The following GFOD2 variants were observed in gnomAD, a reference collection of about 807,000 sequenced individuals.
GFOD2 encodes glucose-fructose oxidoreductase domain-containing protein 2.
A neutral mutation model predicts 24.6 loss-of-function variants in GFOD2; 9 were observed. The ratio of observed to expected loss-of-function variants is 0.37; its 90% CI spans 0.22 to 0.64. The LOEUF (loss-of-function observed/expected upper bound fraction) is 0.64. Among genes scored for constraint, GFOD2 ranks in the 30% least tolerant of loss-of-function variants. The pLI is 0.65. For missense variants in GFOD2, 476 were observed against 532.5 expected (o/e 0.89, Z 1.04); for synonymous variants, 211 against 224.8 (o/e 0.94, Z 0.55).
intron 2 of GFOD2, chr16:67,683,766 T>C (rs1329937034): frequency 1.1e-5 from 13 of 1,227,192 alleles, no homozygotes; most frequent in Non-Finnish European, 1.2e-5. Context: ...ACCCTGAGGT[T>C]TGCCACCATG....
chr16:67,674,834 G>A lies in GFOD2; in HGVS notation c.*321C>T. On this transcript the variant is annotated 3_prime_UTR_variant, in exon 3 of 3. Transcript: ENST00000268797. Reference sequence around the variant, plus strand: ...GGCCCCTCTTGTGCTTTCTCACCCTGTTAGGACTGCGGATCAGGCTGAAGG... The same window carrying A: ...GGCCCCTCTTGTGCTTTCTCACCCTATTAGGACTGCGGATCAGGCTGAAGG... The A allele has an allele frequency of 3.1e-6, 1 of 317,776 alleles. No homozygotes were observed. The highest frequency in any genetic ancestry group is 5.8e-6 in the Non-Finnish European group (1 of 171,214). The allele number at this position is 317,776 out of a possible 1,614,324, so 19.7% of individuals were successfully genotyped here.
intron 2 of GFOD2, chr16:67,683,007 C>T (rs1000172703): frequency 3.3e-6 from 1 of 304,880 alleles, no homozygotes; most frequent in Admixed American, 6.5e-5. Flanking sequence ...TACTCTGTCA[C>T]TCAAGCTGGA....
intron 2 of GFOD2, chr16:67,680,577 C>A: frequency 4.1e-6 from 1 of 246,162 alleles, no homozygotes; most frequent in Non-Finnish European, 6.5e-6. Context: ...TCACTTCCTA[C>A]CCCCACCTCT....
At chr16:67,683,247 C>T in intron 2 of GFOD2, 1 of 1,103,996 alleles carries the variant, frequency 9.1e-7, no homozygotes, top group Non-Finnish European at 1.1e-6. Context: ...AGAAAAAAAG[C>T]AAGCTTGTTG....
chr16:67,694,777 A>G (rs1449238602), intron 1 of GFOD2, among the ~76,000 whole-genome samples: 1 of 152,086 alleles, frequency 6.6e-6, no homozygotes, highest in African/African-American at 2.4e-5. Flanking sequence ...GTGAACCACT[A>G]AATTACACAT....
chr16:67,689,231 G>A (rs1170099155), intron 1 of GFOD2, among the ~76,000 whole-genome samples: 1 of 150,182 alleles, frequency 6.7e-6, no homozygotes, highest in Non-Finnish European at 1.5e-5. Context: ...TAGTGATGAG[G>A]TTTCGCCATG....
chr16:67,675,998 C>G lies in GFOD2; in HGVS notation c.315G>C (p.Arg105=). The change falls in exon 3 of 3, where the codon CGG becomes CGC. Residue 105 remains arginine (R), a synonymous_variant. Transcript: ENST00000268797. ...GGTAGTAGCGCGAGGCTGTCACCAT[C>G]CGGAAGGCATCCACCGATGTTGCTG... ...EKAATSVDAF[R]MVTASRYYPQ... is the part of the protein sequence containing the mutation. The G allele has an allele frequency of 6.2e-7, 1 of 1,614,110 alleles. No homozygotes were observed. The highest frequency in any genetic ancestry group is 8.5e-7 in the Non-Finnish European group (1 of 1,179,996).
At chr16:67,695,416 G>A (rs989641970) in intron 1 of GFOD2, among the ~76,000 whole-genome samples, 1 of 149,680 alleles carries the variant, frequency 6.7e-6, no homozygotes, top group South Asian at 2.1e-4. Context: ...GACTCCCTTC[G>A]GCTATTTGGT....
At chr16:67,717,044 G>C (rs902493719) in intron 1 of GFOD2, among the ~76,000 whole-genome samples, 1 of 152,086 alleles carries the variant, frequency 6.6e-6, no homozygotes, top group South Asian at 2.1e-4. Context: ...TTACAGGCGT[G>C]CACCACCATG....
intron 2 of GFOD2, among the ~76,000 whole-genome samples, chr16:67,679,006 A>G (rs1321466869): frequency 6.6e-6 from 1 of 152,110 alleles, no homozygotes; most frequent in Non-Finnish European, 1.5e-5. Context: ...AGTATTTATT[A>G]AAAATAAAAA....
chr16:67,710,451 G>A (rs1044299475), intron 1 of GFOD2, among the ~76,000 whole-genome samples: 20 of 151,998 alleles, frequency 1.3e-4, no homozygotes, highest in African/African-American at 4.8e-4. Flanking sequence ...CGCAAGCTCC[G>A]CCTCCCGGGT....
At chr16:67,712,780 G>T (rs2053484790) in intron 1 of GFOD2, among the ~76,000 whole-genome samples, 2 of 110,032 alleles carry the variant, frequency 1.8e-5, no homozygotes, top group Non-Finnish European at 3.4e-5. Context: ...CTGCCTGGCT[G>T]CCCAGTCTGG....
chr16:67,675,353 C>A lies in GFOD2; in HGVS notation c.960G>T (p.Gly320=). ...MVQALRQSFQ[G]QGDRRTWDRT... The stretch of plus-strand genomic sequence containing the variant: ...GGTCCCAGGTGCGGCGGTCGCCCTG[C>A]CCCTGGAAGGACTGGCGCAAGGCCT... Residue 320 remains glycine, a synonymous_variant, in exon 3 of 3, where the codon GGG becomes GGT. Transcript: ENST00000268797. 1 of 1,613,198 alleles carries A rather than the reference C, an allele frequency of 6.2e-7. No individual in the cohort carries two copies. Among genetic ancestry groups the A allele is most frequent in the Non-Finnish European group, 8.5e-7 (1 of 1,179,970 alleles).
intron 1 of GFOD2, among the ~76,000 whole-genome samples, chr16:67,688,255 G>A (rs1217487786): frequency 6.6e-6 from 1 of 151,952 alleles, no homozygotes; most frequent in African/African-American, 2.4e-5. Flanking sequence ...TATATATAAG[G>A]ATATCTGTAA....
chr16:67,674,854 T>A lies in GFOD2; in HGVS notation c.*301A>T. ...ACCCTGTTAGGACTGCGGATCAGGCTGAAGGGCTCCCCAGGGTGAGCCTTT... is the reference window on the plus strand; with the variant it reads ...ACCCTGTTAGGACTGCGGATCAGGCAGAAGGGCTCCCCAGGGTGAGCCTTT... On this transcript the variant is annotated 3_prime_UTR_variant, in exon 3 of 3. Coordinates refer to ENST00000268797, the MANE Select transcript of GFOD2 (RefSeq NM_030819.4). 2.6e-6 allele frequency: 1 copy of A among 390,216 alleles called. No individual in the cohort carries two copies. The highest frequency in any genetic ancestry group is 4.2e-5 in the South Asian group (1 of 23,550). The allele number at this position is 390,216 out of a possible 1,614,324, so 24.2% of individuals were successfully genotyped here. A position where few individuals can be genotyped will look rare whatever the true frequency, so the allele number is the denominator to read the frequency against.
intron 1 of GFOD2, among the ~76,000 whole-genome samples, chr16:67,694,403 C>A (rs2142995373): frequency 6.6e-6 from 1 of 152,180 alleles, no homozygotes; most frequent in Admixed American, 6.5e-5. Flanking sequence ...GCTCAGCCTC[C>A]CAAGGTGGTG....
chr16:67,707,503 C>T (rs1180024465), intron 1 of GFOD2, among the ~76,000 whole-genome samples: 1 of 151,740 alleles, frequency 6.6e-6, no homozygotes, highest in Non-Finnish European at 1.5e-5. Context: ...TATATCAACC[C>T]AATCACAGCA....
intron 1 of GFOD2, among the ~76,000 whole-genome samples, chr16:67,718,106 G>A (rs1365964349): frequency 1.3e-5 from 2 of 152,126 alleles, no homozygotes; most frequent in Non-Finnish European, 2.9e-5. Context: ...TAGCTTCCCC[G>A]ACTCAAAAAC....
At position 67,685,449 on chromosome 16, in the gene GFOD2, G is replaced by A. The variant is rs373429400; in HGVS notation, c.259+8C>T. On this transcript the variant is annotated splice_region_variant and intron_variant, in intron 2 of 2. Transcript: ENST00000268797. The stretch of plus-strand genomic sequence containing the variant: ...TGATCTGCCCCTGCTGTGGCCTGCC[G>A]GGCGTACCTAGAGCCTTCACGGATA... 24 of 1,613,960 alleles carry A rather than the reference G, an allele frequency of 1.5e-5. No homozygotes were observed. The highest frequency in any genetic ancestry group is 1.3e-5 in the African/African-American group (1 of 74,892).
Sources: allele counts gnomAD v4.1 joint callset (sites outside exome capture counted in the v4.1 genomes callset), GRCh38; gene constraint gnomAD v4.1.1; transcripts MANE v1.5; gene names NCBI Gene and HGNC (gene_info 2026-07-23, HGNC 2026-07-21).